ZMYND8: variants seen among roughly 807,000 people sequenced by gnomAD.
ZMYND8 encodes zinc finger MYND-type containing 8.
Under a neutral mutation model 140.8 loss-of-function variants are expected in ZMYND8, and 37 were observed. The ratio of observed to expected loss-of-function variants is 0.26; its 90% CI spans 0.20 to 0.35. The LOEUF is 0.35. ZMYND8 is among the 10% of genes least tolerant of loss of function. The probability of loss-of-function intolerance (pLI) is 1.00; values close to 1 mark genes in which losing one functional copy is unlikely to be tolerated. For synonymous variants in ZMYND8, 592 were observed against 597.1 expected, an observed-to-expected ratio of 0.99 and a Z score of 0.12; for missense variants, 1,068 against 1,570.0, an observed-to-expected ratio of 0.68 and a Z score of 5.40.
intron 2 of ZMYND8, among the ~76,000 whole-genome samples, chr20:47,332,692 A>C (rs2081055484): frequency 6.6e-6 from 1 of 152,236 alleles, no homozygotes; most frequent in South Asian, 2.1e-4. Flanking sequence ...TCTGGGGAAC[A>C]GAGCAAGCCC....
intron 2 of ZMYND8, among the ~76,000 whole-genome samples, chr20:47,328,995 A>G (rs1432690821): frequency 6.6e-6 from 1 of 152,242 alleles, no homozygotes; most frequent in Non-Finnish European, 1.5e-5. Context: ...CCTAGGTGCC[A>G]AGGGGCCTGG....
At chr20:47,343,279 T>G (rs2082057624) in intron 2 of ZMYND8, among the ~76,000 whole-genome samples, 1 of 152,064 alleles carries the variant, frequency 6.6e-6, no homozygotes, top group African/African-American at 2.4e-5. Context: ...AACGAGGCTG[T>G]CTCAAACGAA....
intron 11 of ZMYND8, among the ~76,000 whole-genome samples, chr20:47,273,585 G>C (rs190196934): frequency 6.6e-6 from 1 of 152,186 alleles, no homozygotes; most frequent in Admixed American, 6.5e-5. Flanking sequence ...AAATTCCGGT[G>C]TCCATTAAAA....
chr20:47,279,498 TAAATAAATAATA>T, intron 10 of ZMYND8, among the ~76,000 whole-genome samples: 2 of 146,240 alleles, frequency 1.4e-5, no homozygotes, highest in East Asian at 4.1e-4. Context: ...CTTAAATAAA[TAAATAAATAATA>T]AAACAAGCCC....
At position 47,219,851 on chromosome 20, in the gene ZMYND8, C is replaced by T. The variant is rs149657980; in HGVS notation, c.3484+407G>A. Reference sequence around the variant, plus strand: ...TGCCTTCAATTCTCAAAGGCTTGAGCGCCTTCATCCACCATATGCAGGTGT... The same window carrying T: ...TGCCTTCAATTCTCAAAGGCTTGAGTGCCTTCATCCACCATATGCAGGTGT... On this transcript the variant is annotated intron_variant, in intron 21 of 22. Coordinates refer to ENST00000471951, the MANE Select transcript of ZMYND8 (RefSeq NM_001281775.3). Among the ~76,000 whole-genome samples the T allele has an allele frequency of 2.8e-3, 420 of 152,238 alleles. 2 individuals carry two copies. The highest frequency in any genetic ancestry group is 9.8e-3 in the African/African-American group (406 of 41,540).
chr20:47,257,103 A>AG (rs1182673765), intron 12 of ZMYND8, among the ~76,000 whole-genome samples: 2 of 152,140 alleles, frequency 1.3e-5, no homozygotes, highest in African/African-American at 2.4e-5. Context: ...TGAGTCATAC[A>AG]GGGGGCTCGT....
chr20:47,322,792 C>CA (rs2080087954), intron 2 of ZMYND8, among the ~76,000 whole-genome samples: 1 of 152,212 alleles, frequency 6.6e-6, no homozygotes, highest in Admixed American at 6.5e-5. Context: ...CAGATCGACA[C>CA]AGCACGCCCC....
intron 2 of ZMYND8, among the ~76,000 whole-genome samples, chr20:47,337,926 T>C (rs183102165): frequency 7.2e-5 from 11 of 151,944 alleles, no homozygotes; most frequent in African/African-American, 2.4e-5. Context: ...GGCGTAAAAA[T>C]TGAAATTCAG....
chr20:47,308,538 C>T (rs888038760), intron 3 of ZMYND8, among the ~76,000 whole-genome samples: 1 of 152,116 alleles, frequency 6.6e-6, no homozygotes, highest in Non-Finnish European at 1.5e-5. Context: ...AGCATTTTTA[C>T]AGGAATTGTT....
chr20:47,296,464 A>T (rs776227660), intron 4 of ZMYND8, among the ~76,000 whole-genome samples: 1 of 152,026 alleles, frequency 6.6e-6, no homozygotes, highest in Non-Finnish European at 1.5e-5. Context: ...CTTTTGGGAG[A>T]ATTTTTGTCT....
At chr20:47,252,220 G>A (rs2074242197) in intron 12 of ZMYND8, among the ~76,000 whole-genome samples, 2 of 147,220 alleles carry the variant, frequency 1.4e-5, no homozygotes, top group Non-Finnish European at 3.0e-5. Context: ...TTGAACCCAG[G>A]AGGCGAAGGT....
chr20:47,310,921 G>A (rs1021741306), intron 2 of ZMYND8, among the ~76,000 whole-genome samples: 1 of 151,942 alleles, frequency 6.6e-6, no homozygotes, highest in Non-Finnish European at 1.5e-5. Context: ...CCCTGCTGAT[G>A]AGACCGAGGC....
chr20:47,217,459 C>G (rs571495002), intron 21 of ZMYND8, among the ~76,000 whole-genome samples: 15 of 152,232 alleles, frequency 9.9e-5, no homozygotes, highest in Non-Finnish European at 2.1e-4. Context: ...TAAGCCTGTT[C>G]GAAGGGGAAG....
chr20:47,224,327 G>A lies in ZMYND8; in HGVS notation c.3246C>T (p.Cys1082=), dbSNP rs750446283. The part of the protein sequence containing the change: ...QAHWPEHMKS[C]TQSATAPQQE... ...CCCACAGGGCATTACCTGACTGGGT[G>A]CAGGACTTCATGTGCTCAGGCCAGT... is the stretch of plus-strand genomic sequence containing the variant. Residue 1082 remains cysteine, a synonymous_variant, in exon 19 of 23, where the codon TGC becomes TGT. Coordinates refer to ENST00000471951, the MANE Select transcript of ZMYND8 (RefSeq NM_001281775.3). 6.2e-7 allele frequency: 1 copy of A among 1,614,250 alleles called. No homozygotes were observed. Among genetic ancestry groups the A allele is most frequent in the Admixed American group, 1.7e-5 (1 of 60,036 alleles).
chr20:47,284,286 A>G (rs1485033070), intron 8 of ZMYND8, among the ~76,000 whole-genome samples: 1 of 152,054 alleles, frequency 6.6e-6, no homozygotes, highest in East Asian at 1.9e-4. Flanking sequence ...GCCCCCAGTG[A>G]CTTCCCATTA....
chr20:47,274,947 A>T (rs1238753104), intron 11 of ZMYND8, among the ~76,000 whole-genome samples: 1 of 152,212 alleles, frequency 6.6e-6, no homozygotes, highest in African/African-American at 2.4e-5. Flanking sequence ...TATCCTGAAG[A>T]ACTGATGCTT....
chr20:47,306,808 A>C (rs971536080), intron 3 of ZMYND8, among the ~76,000 whole-genome samples: 2 of 152,184 alleles, frequency 1.3e-5, no homozygotes, highest in Admixed American at 1.3e-4. Context: ...AAGAAAAAGA[A>C]GACGACAGTG....
At chr20:47,245,171 A>G (rs529610640) in intron 14 of ZMYND8, among the ~76,000 whole-genome samples, 2 of 152,232 alleles carry the variant, frequency 1.3e-5, no homozygotes, top group Non-Finnish European at 2.9e-5. Flanking sequence ...TACTACTGTA[A>G]GAAAATACAC....
rs1367628408 is a variant in ZMYND8 at position 47,246,580 on chromosome 20, T to C, written c.1775-63A>G. On this transcript the variant is annotated intron_variant, in intron 13 of 22. Coordinates refer to ENST00000471951, the MANE Select transcript of ZMYND8 (RefSeq NM_001281775.3). ...ACAAAATAAAGAGCAGGATGAAAAA[T>C]GCAAACATTTTTCCACACCAAATGC... 4 of 1,510,434 alleles carry C rather than the reference T, an allele frequency of 2.6e-6. No individual in the cohort carries two copies. The African/African-American group carries it at 5.6e-5, about 21-fold the overall frequency. The allele number at this position is 1,510,434 out of a possible 1,614,324, so 93.6% of individuals were successfully genotyped here.
Sources: allele counts gnomAD v4.1 joint callset (sites outside exome capture counted in the v4.1 genomes callset), GRCh38; gene constraint gnomAD v4.1.1; transcripts MANE v1.5; gene names NCBI Gene and HGNC (gene_info 2026-07-23, HGNC 2026-07-21).